Variants in BICC1 observed in about 807,000 individuals in gnomAD.
BICC1 encodes protein bicaudal C homolog 1.
In BICC1, 43 loss-of-function variants were observed where a neutral mutation model predicts 111.0. The ratio of observed to expected loss-of-function variants is 0.39; its 90% CI spans 0.30 to 0.50. BICC1 has a LOEUF of 0.50. Ranked by LOEUF, BICC1 falls within the 20% of genes least tolerant of loss-of-function variation. BICC1 has a pLI of 0.88. For synonymous variants in BICC1, 467 were observed against 434.4 expected (o/e 1.07, Z -0.93); for missense variants, 1,091 against 1,203.2 (o/e 0.91, Z 1.38).
chr10:58,569,152 T>C (rs1177785293), intron 1 of BICC1, among the ~76,000 whole-genome samples: 1 of 152,138 alleles, frequency 6.6e-6, no homozygotes, highest in Non-Finnish European at 1.5e-5. Context: ...AAAGTTACAT[T>C]GAAAGGGAGA....
chr10:58,632,203 T>C (rs1419440906), intron 2 of BICC1, among the ~76,000 whole-genome samples: 2 of 152,220 alleles, frequency 1.3e-5, no homozygotes, highest in Non-Finnish European at 2.9e-5. Flanking sequence ...CTAAATTCCA[T>C]GAGAATACTA....
At chr10:58,654,148 G>T (rs1328764976) in intron 2 of BICC1, among the ~76,000 whole-genome samples, 2 of 127,808 alleles carry the variant, frequency 1.6e-5, no homozygotes, top group Non-Finnish European at 3.3e-5. Flanking sequence ...ACATACATGT[G>T]CATGTGTCTT....
chr10:58,623,203 T>C (rs551036238), intron 2 of BICC1, among the ~76,000 whole-genome samples: 1 of 152,310 alleles, frequency 6.6e-6, no homozygotes, highest in Non-Finnish European at 1.5e-5. Context: ...TTTAATTAAT[T>C]GCTCTCATTA....
rs1432228408 is a variant in BICC1, at chr10:58,789,389, A to G, written c.728A>G (p.Gln243Arg). 3 of 1,614,154 alleles carry G rather than the reference A, an allele frequency of 1.9e-6. No individual in the cohort carries two copies. Among genetic ancestry groups the G allele is most frequent in the East Asian group, 2.2e-5 (1 of 44,868 alleles). ...TACAATATTTCAGTATCATTTAAAC[A>G]GCGTTCCCGAATGTATGGTGCTACT... ...QTYNISVSFK[Q>R]RSRMYGATVI... The change falls in exon 7 of 21, where the codon CAG (glutamine) becomes CGG (arginine). Residue 243 changes from glutamine to arginine, a missense_variant. Physicochemically the swap from Gln to Arg is conservative, Grantham distance 43. Coordinates refer to ENST00000373886, the MANE Select transcript of BICC1 (RefSeq NM_001080512.3).
intron 2 of BICC1, among the ~76,000 whole-genome samples, chr10:58,643,163 G>A (rs1838173391): frequency 6.6e-6 from 1 of 152,120 alleles, no homozygotes; most frequent in Non-Finnish European, 1.5e-5. Context: ...TAAAAACTGG[G>A]GAATTGAAAT....
chr10:58,635,712 T>C (rs940893475), intron 2 of BICC1, among the ~76,000 whole-genome samples: 1 of 152,238 alleles, frequency 6.6e-6, no homozygotes, highest in African/African-American at 2.4e-5. Context: ...CTGATATAAC[T>C]TTGTTTCCCA....
At chr10:58,699,818 C>T (rs1317255033) in intron 2 of BICC1, among the ~76,000 whole-genome samples, 1 of 152,108 alleles carries the variant, frequency 6.6e-6, no homozygotes, top group Non-Finnish European at 1.5e-5. Context: ...CTCCAGCCTC[C>T]TGAGATGGGA....
intron 17 of BICC1, 124 bp downstream of exon 17, chr10:58,807,282 T>A (rs767569819): frequency 3.4e-6 from 3 of 873,834 alleles, no homozygotes; most frequent in Non-Finnish European, 5.1e-6. Context: ...TTGTTTTTAT[T>A]TCTATTCTTG....
chr10:58,641,912 G>A (rs532438657), intron 2 of BICC1, among the ~76,000 whole-genome samples: 2 of 152,274 alleles, frequency 1.3e-5, no homozygotes, highest in South Asian at 4.1e-4. Context: ...ACAGCAGTAT[G>A]AATGTACCTA....
In BICC1 at chr10:58,710,259, T is replaced by G. The variant is rs180901227; in HGVS notation, c.307+8116T>G. The stretch of plus-strand genomic sequence containing the variant: ...CCTCAAACCCAAATTCAGGTCTGTT[T>G]GTTTCCAGAACTCCAAATCACTGTA... On this transcript the variant is annotated intron_variant, in intron 3 of 20. Coordinates refer to ENST00000373886, the MANE Select transcript of BICC1 (RefSeq NM_001080512.3). 8.1e-4 allele frequency among the ~76,000 whole-genome samples: 123 copies of G among 152,298 alleles called. 1 individual carries two copies. The highest frequency in any genetic ancestry group is 7.1e-3 in the Admixed American group (109 of 15,304).
intron 1 of BICC1, among the ~76,000 whole-genome samples, chr10:58,567,882 G>A (rs1193288093): frequency 3.3e-5 from 5 of 152,184 alleles, no homozygotes; most frequent in African/African-American, 1.2e-4. Flanking sequence ...TACTTACCTA[G>A]GGACCTGTAA....
At chr10:58,761,207 A>T (rs1225466194) in intron 3 of BICC1, among the ~76,000 whole-genome samples, 1 of 152,150 alleles carries the variant, frequency 6.6e-6, no homozygotes, top group Admixed American at 6.5e-5. Context: ...GTGAAAGTAC[A>T]TGATGCTAAG....
intron 1 of BICC1, among the ~76,000 whole-genome samples, chr10:58,542,272 A>G (rs911934321): frequency 1.3e-5 from 2 of 152,092 alleles, no homozygotes; most frequent in African/African-American, 2.4e-5. Flanking sequence ...TGCCAAGGCT[A>G]CTAGTAGGGA....
rs537572266 is a variant in BICC1 at position 58,580,342 on chromosome 10, G to A, written c.191-40513G>A. Among the ~76,000 whole-genome samples, 4 of 152,216 alleles carry A rather than the reference G, an allele frequency of 2.6e-5. No homozygotes were observed. The South Asian group carries it at 8.3e-4, about 32-fold the overall frequency. On this transcript the variant is annotated intron_variant, in intron 1 of 20. Transcript: ENST00000373886. ...CCTGGCCTCTCTTAGCAAATTTTAA[G>A]TACAGGTTGAGCATCCCAAATCCCA...
intron 3 of BICC1, among the ~76,000 whole-genome samples, chr10:58,780,348 C>T (rs903588941): frequency 3.3e-5 from 5 of 151,978 alleles, no homozygotes; most frequent in Non-Finnish European, 5.9e-5. Context: ...GAGTGGGAGG[C>T]GGGGAGGTAG....
At chr10:58,643,594 T>G (rs1484023762) in intron 2 of BICC1, among the ~76,000 whole-genome samples, 5 of 152,254 alleles carry the variant, frequency 3.3e-5, no homozygotes, top group African/African-American at 1.2e-4. Context: ...TGAAGTGGCT[T>G]AACAATTTAC....
intron 2 of BICC1, among the ~76,000 whole-genome samples, chr10:58,657,199 A>G (rs559227916): frequency 7.2e-5 from 11 of 152,172 alleles, no homozygotes; most frequent in South Asian, 4.1e-4. Flanking sequence ...CTCAAATGCC[A>G]TTTTTTTCCA....
intron 2 of BICC1, among the ~76,000 whole-genome samples, chr10:58,644,071 T>C (rs1477713674): frequency 6.6e-6 from 1 of 152,148 alleles, no homozygotes; most frequent in Non-Finnish European, 1.5e-5. Flanking sequence ...TATATACCTG[T>C]CAGTCCTCCA....
intron 1 of BICC1, among the ~76,000 whole-genome samples, chr10:58,550,754 T>G (rs759306013): frequency 7.9e-5 from 12 of 152,290 alleles, no homozygotes; most frequent in Admixed American, 6.5e-4. Context: ...CTACATTGTA[T>G]GGGTTGATTT....
Sources: allele counts gnomAD v4.1 joint callset (sites outside exome capture counted in the v4.1 genomes callset), GRCh38; gene constraint gnomAD v4.1.1; transcripts MANE v1.5; gene names NCBI Gene and HGNC (gene_info 2026-07-23, HGNC 2026-07-21).